Variants in CLEC16A observed in about 807,000 individuals in gnomAD.
CLEC16A encodes protein CLEC16A.
CLEC16A carries 51 observed loss-of-function variants against 109.5 expected under a neutral mutation model. That is an observed-to-expected ratio of 0.47 (90% CI 0.37 to 0.59). The LOEUF (loss-of-function observed/expected upper bound fraction) is 0.59, where lower values mean the gene tolerates loss of function less well. Among genes scored for constraint, CLEC16A ranks in the 20% least tolerant of loss-of-function variants. The probability of loss-of-function intolerance (pLI) is 0.00; values close to 1 mark genes in which losing one functional copy is unlikely to be tolerated. For synonymous variants in CLEC16A, 673 were observed against 564.2 expected, an observed-to-expected ratio of 1.19 and a Z score of -2.73; for missense variants, 1,339 against 1,394.0, an observed-to-expected ratio of 0.96 and a Z score of 0.63.
intron 1 of CLEC16A, among the ~76,000 whole-genome samples, chr16:10,945,394 C>T (rs1295865750): frequency 6.6e-6 from 1 of 152,130 alleles, no homozygotes; most frequent in African/African-American, 2.4e-5. Context: ...GGGGCATGCA[C>T]GCTGAGACCC....
chr16:10,990,303 T>C (rs1415903958), intron 10 of CLEC16A, among the ~76,000 whole-genome samples: 1 of 152,250 alleles, frequency 6.6e-6, no homozygotes, highest in Non-Finnish European at 1.5e-5. Context: ...CTCTGGTCTA[T>C]GTTTAAGAGG....
chr16:10,964,330 C>T (rs151179128), intron 3 of CLEC16A, among the ~76,000 whole-genome samples: 137 of 152,308 alleles, frequency 9.0e-4, no homozygotes, highest in African/African-American at 3.1e-3. Flanking sequence ...GAAATGACTG[C>T]GGTTTCTAAA....
chr16:11,078,127 A>T (rs993143975), intron 19 of CLEC16A, among the ~76,000 whole-genome samples: 16 of 152,146 alleles, frequency 1.1e-4, no homozygotes, highest in African/African-American at 3.9e-4. Flanking sequence ...GAACCGCTCT[A>T]GGGGCATCTG....
At chr16:11,067,189 G>GT (rs71406205) in intron 19 of CLEC16A, among the ~76,000 whole-genome samples, 1,934 of 98,772 alleles carry the variant, frequency 0.02, 14 homozygotes, top group African/African-American at 0.048. Flanking sequence ...GTTTGTTTTT[G>GT]TTTTTTTTTT....
chr16:11,126,195 G>A lies in CLEC16A; in HGVS notation c.2641+49G>A, dbSNP rs201585756. 7.5e-5 allele frequency: 120 copies of A among 1,610,166 alleles called. No individual in the cohort carries two copies. The East Asian group carries it at 7.6e-4, about 10-fold the overall frequency. On this transcript the variant is annotated intron_variant, in intron 22 of 23. Coordinates refer to ENST00000409790, the MANE Select transcript of CLEC16A (RefSeq NM_015226.3). ...CCACAGCTCGTTCATCATGGTGGGC[G>A]TTCAAGGTCTTTCTCTCTGTGGAGC...
At chr16:11,059,177 G>A (rs2048357157) in intron 18 of CLEC16A, among the ~76,000 whole-genome samples, 2 of 152,150 alleles carry the variant, frequency 1.3e-5, no homozygotes. Flanking sequence ...GGTGCCCACA[G>A]TTCCTGCCAC....
At chr16:11,137,687 T>C (rs1205961000) in intron 22 of CLEC16A, among the ~76,000 whole-genome samples, 1 of 151,514 alleles carries the variant, frequency 6.6e-6, no homozygotes, top group African/African-American at 2.4e-5. Context: ...TGTGTGCCTG[T>C]AGTCCCAGCT....
At chr16:11,171,237 G>A (rs746185060) in intron 23 of CLEC16A, among the ~76,000 whole-genome samples, 36 of 152,302 alleles carry the variant, frequency 2.4e-4, no homozygotes, top group African/African-American at 3.6e-4. Context: ...GGACAGCCCC[G>A]AGGGGTCACT....
At chr16:11,127,494 T>G (rs1160205962) in intron 22 of CLEC16A, among the ~76,000 whole-genome samples, 1 of 152,230 alleles carries the variant, frequency 6.6e-6, no homozygotes, top group Non-Finnish European at 1.5e-5. Context: ...TCTTGATATA[T>G]GTAGTCCCAA....
At chr16:11,025,746 A>T (rs1230934291) in intron 13 of CLEC16A, among the ~76,000 whole-genome samples, 2 of 112,178 alleles carry the variant, frequency 1.8e-5, no homozygotes, top group African/African-American at 9.2e-5. Context: ...TACATGATAT[A>T]ACTAAGTTTA....
intron 19 of CLEC16A, among the ~76,000 whole-genome samples, chr16:11,116,994 T>C (rs1031025446): frequency 1.3e-5 from 2 of 152,232 alleles, no homozygotes; most frequent in African/African-American, 2.4e-5. Context: ...TGGAATACTG[T>C]GTACAGCCAT....
intron 14 of CLEC16A, 115 bp downstream of exon 14, chr16:11,039,991 C>A: frequency 1.6e-6 from 2 of 1,256,876 alleles, no homozygotes; most frequent in Non-Finnish European, 2.1e-6. Context: ...CCGGGCCCAT[C>A]CCAACCTCTC....
intron 22 of CLEC16A, chr16:11,157,015 G>C (rs1267038119): frequency 4.2e-5 from 52 of 1,250,598 alleles, no homozygotes; most frequent in Non-Finnish European, 5.2e-5. Context: ...ACATTTCTAA[G>C]GGCACAATTA....
At chr16:11,118,318 C>T (rs1458273509) in intron 19 of CLEC16A, among the ~76,000 whole-genome samples, 1 of 152,176 alleles carries the variant, frequency 6.6e-6, no homozygotes, top group Non-Finnish European at 1.5e-5. Flanking sequence ...CACAAGACCC[C>T]ATGCTTTTCC....
rs1331656843 is a variant in CLEC16A at position 11,051,504 on chromosome 16, C to G, written c.1867-9C>G. On this transcript the variant is annotated splice_polypyrimidine_tract_variant and intron_variant, in intron 17 of 23. Transcript: ENST00000409790. ...TCTGCTTTGAGGTTTCCTGTAATGT[C>G]TCTTCTAGATGAAGCCCATGAACGT... 1.9e-6 allele frequency: 3 copies of G among 1,610,228 alleles called. No homozygotes were observed. The highest frequency in any genetic ancestry group is 2.7e-5 in the African/African-American group (2 of 74,896).
chr16:11,016,723 C>A lies in CLEC16A; in HGVS notation c.1304-3470C>A, dbSNP rs75626052. ...TTTGAATTGACTCACTTGTTTTTTT[C>A]CCAAAATTTAGCCTTATTCTAAGCA... On this transcript the variant is annotated intron_variant, in intron 11 of 23. Coordinates refer to ENST00000409790, the MANE Select transcript of CLEC16A (RefSeq NM_015226.3). Among the ~76,000 whole-genome samples, 617 of 152,180 alleles carry A rather than the reference C, an allele frequency of 4.1e-3. 9 individuals are homozygous for A. The highest frequency in any genetic ancestry group is 4.4e-3 in the Non-Finnish European group (296 of 68,000).
At chr16:10,992,207 C>A (rs181489274) in intron 10 of CLEC16A, among the ~76,000 whole-genome samples, 1 of 152,218 alleles carries the variant, frequency 6.6e-6, no homozygotes, top group East Asian at 1.9e-4. Flanking sequence ...AATAGAACAC[C>A]AGATCTCACT....
intron 21 of CLEC16A, among the ~76,000 whole-genome samples, chr16:11,125,559 C>T (rs1229300136): frequency 6.6e-6 from 1 of 152,208 alleles, no homozygotes; most frequent in African/African-American, 2.4e-5. Flanking sequence ...CATGCTCCTG[C>T]ACATGTGCGG....
intron 18 of CLEC16A, among the ~76,000 whole-genome samples, chr16:11,056,289 C>A (rs1011745613): frequency 6.6e-5 from 10 of 152,228 alleles, no homozygotes; most frequent in Non-Finnish European, 1.3e-4. Flanking sequence ...CCTCGTGGGT[C>A]TTGCCTCTCA....
Sources: allele counts gnomAD v4.1 joint callset (sites outside exome capture counted in the v4.1 genomes callset), GRCh38; gene constraint gnomAD v4.1.1; transcripts MANE v1.5; gene names NCBI Gene and HGNC (gene_info 2026-07-23, HGNC 2026-07-21).